Variants in BPTF observed in about 807,000 individuals in gnomAD.
BPTF encodes nucleosome-remodeling factor subunit BPTF.
In BPTF, 18 loss-of-function variants were observed where a neutral mutation model predicts 292.5. The ratio of observed to expected loss-of-function variants is 0.06; its 90% CI spans 0.04 to 0.09. BPTF has a LOEUF of 0.09. Ranked by LOEUF, BPTF falls within the 10% of genes least tolerant of loss-of-function variation. The pLI is 1.00. For missense variants in BPTF, 2,726 were observed against 3,498.7 expected (o/e 0.78, Z 5.57); for synonymous variants, 1,225 against 1,251.9 (o/e 0.98, Z 0.45).
chr17:67,946,317 C>G lies in BPTF; in HGVS notation c.7609C>G (p.Gln2537Glu), dbSNP rs781997642. The G allele has an allele frequency of 4.3e-6, 7 of 1,613,320 alleles. No homozygotes were observed. Among genetic ancestry groups the G allele is most frequent in the Non-Finnish European group, 5.9e-6 (7 of 1,179,796 alleles). Residue 2537 changes from glutamine to glutamate, a missense_variant, in exon 21 of 28, where the codon CAG becomes GAG. Coordinates refer to ENST00000306378, the MANE Select transcript of BPTF (RefSeq NM_182641.4). ...AGCTTCTAATCAAAGTGAAATCATT[C>G]AGAAACAGGTAAAGTTATTAAGTAA... ...LQASNQSEIIQKQVVMKHNAV... is the reference protein window; with the variant it reads ...LQASNQSEIIEKQVVMKHNAV...
intron 27 of BPTF, chr17:67,981,600 T>C: frequency 9.5e-7 from 1 of 1,048,680 alleles, no homozygotes; most frequent in Non-Finnish European, 1.2e-6. Flanking sequence ...TGGTAAAAAA[T>C]TTACTCTAGC....
chr17:67,859,409 A>C (rs1268659999), intron 2 of BPTF, among the ~76,000 whole-genome samples: 10 of 152,136 alleles, frequency 6.6e-5, no homozygotes. Context: ...GCCTCCCAAA[A>C]TCATAGGGTT....
At chr17:67,864,302 G>A (rs2059263430) in intron 2 of BPTF, among the ~76,000 whole-genome samples, 1 of 151,924 alleles carries the variant, frequency 6.6e-6, no homozygotes, top group African/African-American at 2.4e-5. Context: ...TGAGGCGGGC[G>A]GATTGCTTGA....
At chr17:67,953,030 G>A (rs12949469) in intron 23 of BPTF, among the ~76,000 whole-genome samples, 223 of 151,966 alleles carry the variant, frequency 1.5e-3, no homozygotes, top group East Asian at 6.0e-3. Context: ...GCACGATCTC[G>A]GCTCACTGCA....
chr17:67,914,962 G>A (rs960328747), intron 11 of BPTF, among the ~76,000 whole-genome samples: 4 of 152,144 alleles, frequency 2.6e-5, no homozygotes, highest in Non-Finnish European at 5.9e-5. Flanking sequence ...TCTGTCTAAT[G>A]GAGGCATGGG....
chr17:67,858,823 C>T (rs1159096115), intron 2 of BPTF, among the ~76,000 whole-genome samples: 2 of 152,196 alleles, frequency 1.3e-5, no homozygotes, highest in East Asian at 3.8e-4. Context: ...CTTGTCCTTA[C>T]CCTTTGGATA....
intron 7 of BPTF, among the ~76,000 whole-genome samples, chr17:67,897,129 C>G (rs1222100880): frequency 1.3e-5 from 2 of 151,148 alleles, no homozygotes; most frequent in Non-Finnish European, 2.9e-5. Flanking sequence ...GAATTCGAGA[C>G]CAGCCTGACG....
At chr17:67,898,595 C>G (rs2061605860) in intron 7 of BPTF, among the ~76,000 whole-genome samples, 2 of 152,048 alleles carry the variant, frequency 1.3e-5, no homozygotes, top group South Asian at 2.1e-4. Context: ...CAGGTGTGAG[C>G]CGCTGCACTT....
intron 24 of BPTF, among the ~76,000 whole-genome samples, chr17:67,961,996 AG>A (rs1375238365): frequency 1.3e-5 from 2 of 151,428 alleles, no homozygotes; most frequent in Non-Finnish European, 2.9e-5. Flanking sequence ...AAAGAAAAAA[AG>A]CCGGGCCTGG....
chr17:67,917,850 C>T (rs989539002), intron 11 of BPTF, among the ~76,000 whole-genome samples: 32 of 151,948 alleles, frequency 2.1e-4, no homozygotes, highest in African/African-American at 4.8e-4. Flanking sequence ...CTCGCTCTGT[C>T]GCCTAGGCTG....
chr17:67,932,049 C>T (rs1453085598), intron 18 of BPTF, 30 bp downstream of exon 18: 2 of 1,561,896 alleles, frequency 1.3e-6, no homozygotes, highest in Non-Finnish European at 1.8e-6. Context: ...TATCATTTTA[C>T]ATCTCAACAG....
At position 67,945,520 on chromosome 17, in the gene BPTF, A is replaced by C. The variant is rs1555674142; in HGVS notation, c.6812A>C (p.Gln2271Pro). Residue 2271 changes from glutamine (Q) to proline (P), a missense_variant, in exon 21 of 28, where the codon CAG (glutamine) becomes CCG (proline). Transcript: ENST00000306378. Reference protein sequence around the residue: ...SSVGPAEAQPQTAQPSAQPQP... With the variant: ...SSVGPAEAQPPTAQPSAQPQP... ...GTGGGTCCAGCAGAAGCCCAGCCAC[A>C]GACTGCTCAGCCTTCAGCTCAGCCC... 1.2e-6 allele frequency: 2 copies of C among 1,613,938 alleles called. No homozygotes were observed. The highest frequency in any genetic ancestry group is 1.3e-5 in the African/African-American group (1 of 74,910).
chr17:67,931,251 C>T (rs184520918), intron 17 of BPTF, among the ~76,000 whole-genome samples: 71 of 151,994 alleles, frequency 4.7e-4, no homozygotes, highest in African/African-American at 1.5e-3. Context: ...GGCGAAAGAG[C>T]GAGATTCTGT....
intron 18 of BPTF, among the ~76,000 whole-genome samples, chr17:67,935,367 C>A (rs2064827817): frequency 6.6e-6 from 1 of 152,024 alleles, no homozygotes; most frequent in Admixed American, 6.6e-5. Context: ...GTCAAGGCTG[C>A]AGTGAGCCAC....
chr17:67,844,943 A>C (rs1321770169), intron 1 of BPTF, among the ~76,000 whole-genome samples: 2 of 151,958 alleles, frequency 1.3e-5, no homozygotes, highest in Admixed American at 1.3e-4. Flanking sequence ...GCGTTTCTTC[A>C]TGTTGGTCAG....
intron 1 of BPTF, among the ~76,000 whole-genome samples, chr17:67,832,158 G>C (rs964357841): frequency 2.0e-5 from 3 of 151,948 alleles, no homozygotes; most frequent in Admixed American, 6.6e-5. Context: ...AAAGTGCTGG[G>C]ATTACAGGGG....
At chr17:67,870,001 C>CAAA (rs59327152) in intron 3 of BPTF, among the ~76,000 whole-genome samples, 17 of 59,150 alleles carry the variant, frequency 2.9e-4, no homozygotes, top group Admixed American at 6.3e-4. Flanking sequence ...GACTCCGTCT[C>CAAA]AAAAAAAAAA....
At chr17:67,972,131 G>A (rs1372245982) in intron 26 of BPTF, among the ~76,000 whole-genome samples, 1 of 151,998 alleles carries the variant, frequency 6.6e-6, no homozygotes, top group Non-Finnish European at 1.5e-5. Flanking sequence ...CTGCTAATTT[G>A]GCAAAGAAAG....
At chr17:67,961,748 C>T (rs1383017569) in intron 24 of BPTF, among the ~76,000 whole-genome samples, 3 of 151,898 alleles carry the variant, frequency 2.0e-5, no homozygotes, top group Non-Finnish European at 2.9e-5. Flanking sequence ...CCGAGGTGGA[C>T]GGATCACCTG....
Sources: gnomAD v4.1 joint callset for allele counts (sites outside exome capture counted in the v4.1 genomes callset) on GRCh38, gnomAD v4.1.1 for gene constraint, MANE v1.5 for transcripts, NCBI Gene and HGNC (gene_info 2026-07-23, HGNC 2026-07-21) for gene names.